Variants in GLIS3 observed in about 807,000 individuals in gnomAD.
GLIS3 encodes GLIS family zinc finger 3.
GLIS3 carries 53 observed loss-of-function variants against 78.6 expected under a neutral mutation model. The ratio of observed to expected loss-of-function variants is 0.67; its 90% confidence interval spans 0.54 to 0.85. GLIS3 has a LOEUF of 0.85. GLIS3 is among the 40% of genes least tolerant of loss of function. The probability of loss-of-function intolerance (pLI) is 0.00; values close to 1 mark genes in which losing one functional copy is unlikely to be tolerated. For missense variants in GLIS3, 1,703 were observed against 1,231.1 expected (o/e 1.38, Z -5.74); for synonymous variants, 684 against 509.9 (o/e 1.34, Z -4.60).
At chr9:4,043,216 G>C (rs544198401) in intron 4 of GLIS3, among the ~76,000 whole-genome samples, 1 of 152,182 alleles carries the variant, frequency 6.6e-6, no homozygotes, top group Admixed American at 6.5e-5. Context: ...ATCACTTTCA[G>C]TGAGACTTTA....
intron 1 of GLIS3, among the ~76,000 whole-genome samples, chr9:4,292,355 G>T (rs1380826115): frequency 6.6e-6 from 1 of 152,090 alleles, no homozygotes; most frequent in East Asian, 1.9e-4. Flanking sequence ...CTGCCCATTT[G>T]TATGCATATA....
chr9:4,346,361 G>C (rs1159102362), intron 2 of GLIS3, among the ~76,000 whole-genome samples: 1 of 150,244 alleles, frequency 6.7e-6, no homozygotes, highest in South Asian at 2.2e-4. Context: ...AGTCAAAGCA[G>C]AGCGATGACT....
rs79497162 is a variant in GLIS3, at chr9:4,227,545, T to C, written c.388+58493A>G. On this transcript the variant is annotated intron_variant, in intron 2 of 10. Coordinates refer to ENST00000381971, the MANE Select transcript of GLIS3 (RefSeq NM_001042413.2). ...TTCTCTGTGTGCTGTAGTAATTCCA[T>C]GTGAGTATCTCCTATTGACTGCAAG... Among the ~76,000 whole-genome samples, 1,023 of 152,276 alleles carry C rather than the reference T, an allele frequency of 6.7e-3. 9 individuals carry two copies. Among genetic ancestry groups the C allele is most frequent in the Middle Eastern group, 0.017 (5 of 294 alleles).
chr9:4,398,500 G>C, the GLIS3 span, among the ~76,000 whole-genome samples: 21 of 151,866 alleles, frequency 1.4e-4, no homozygotes, highest in African/African-American at 2.4e-4. Flanking sequence ...ATTGCATTGA[G>C]GGGGTGGGGG....
At chr9:4,108,380 G>A (rs1456815059) in intron 4 of GLIS3, among the ~76,000 whole-genome samples, 1 of 152,130 alleles carries the variant, frequency 6.6e-6, no homozygotes, top group Non-Finnish European at 1.5e-5. Flanking sequence ...AAGGAGCAAG[G>A]CATGGGGCCT....
chr9:4,241,656 C>G (rs1186907483), intron 2 of GLIS3, among the ~76,000 whole-genome samples: 1 of 151,840 alleles, frequency 6.6e-6, no homozygotes, highest in Non-Finnish European at 1.5e-5. Context: ...ATACTCACAG[C>G]ACACTTGTGC....
Position 3,982,531 on chromosome 9 carries a change from GCTT to G in GLIS3, c.1711-45345_1711-45343del, listed in dbSNP as rs1819385732. On this transcript the variant is annotated intron_variant, in intron 4 of 10. Transcript: ENST00000381971. Reference sequence around the variant, plus strand: ...ACCCATGACGGAAAACACAGGGGAAGCTTCTTCTTTTTCTTGTTGACAAAAGCT... The same window carrying G: ...ACCCATGACGGAAAACACAGGGGAAGCTTCTTTTTCTTGTTGACAAAAGCT... Among the ~76,000 whole-genome samples the G allele has an allele frequency of 4.6e-5, 7 of 152,276 alleles. No homozygotes were observed. The South Asian group carries it at 1.2e-3, about 27-fold the overall frequency.
At chr9:4,146,393 T>C (rs1834229584) in intron 2 of GLIS3, among the ~76,000 whole-genome samples, 1 of 152,206 alleles carries the variant, frequency 6.6e-6, no homozygotes, top group Non-Finnish European at 1.5e-5. Context: ...GTATTAATAA[T>C]TAACAAGGGT....
intron 2 of GLIS3, among the ~76,000 whole-genome samples, chr9:4,340,409 CAACTCAATTCCAGGATG>C (rs936368700): frequency 6.6e-6 from 1 of 151,052 alleles, no homozygotes; most frequent in Non-Finnish European, 1.5e-5. Context: ...AATTAAAAGG[CAACTCAATTCCAGGATG>C]AAACATTCTT....
intron 9 of GLIS3, among the ~76,000 whole-genome samples, chr9:3,833,864 T>A (rs959758365): frequency 3.3e-5 from 5 of 152,164 alleles, no homozygotes; most frequent in African/African-American, 9.7e-5. Context: ...TTCCCAAAGG[T>A]CAAGGAGAAT....
chr9:4,189,236 G>C (rs1238726137), intron 2 of GLIS3, among the ~76,000 whole-genome samples: 1 of 152,022 alleles, frequency 6.6e-6, no homozygotes, highest in Non-Finnish European at 1.5e-5. Flanking sequence ...CTTTATTTCT[G>C]CCTTCATTTC....
chr9:3,844,299 T>C (rs774124924), intron 9 of GLIS3, among the ~76,000 whole-genome samples: 54 of 152,208 alleles, frequency 3.5e-4, no homozygotes, highest in Admixed American at 5.2e-4. Flanking sequence ...TTGTTTACCA[T>C]ATTTATAAGG....
chr9:4,256,051 A>AC (rs1458137550), intron 2 of GLIS3, among the ~76,000 whole-genome samples: 2 of 152,128 alleles, frequency 1.3e-5, no homozygotes, highest in Non-Finnish European at 2.9e-5. Flanking sequence ...TTTTTTAAAA[A>AC]AGGATAACAA....
At chr9:4,234,372 T>C (rs973327768) in intron 2 of GLIS3, among the ~76,000 whole-genome samples, 1 of 152,164 alleles carries the variant, frequency 6.6e-6, no homozygotes, top group African/African-American at 2.4e-5. Flanking sequence ...TTAATTTCAA[T>C]ACTGCTGTGT....
At chr9:4,223,738 G>C (rs569815870) in intron 2 of GLIS3, among the ~76,000 whole-genome samples, 5 of 152,166 alleles carry the variant, frequency 3.3e-5, no homozygotes, top group African/African-American at 7.2e-5. Flanking sequence ...TCAAAATTAA[G>C]GTTTTGGATT....
the GLIS3 span, among the ~76,000 whole-genome samples, chr9:4,414,188 A>C: frequency 6.6e-6 from 1 of 152,228 alleles, no homozygotes; most frequent in African/African-American, 2.4e-5. Context: ...TAAATACTCA[A>C]AATGGCAAGC....
intron 6 of GLIS3, among the ~76,000 whole-genome samples, chr9:3,900,299 CTT>C (rs1823195668): frequency 6.6e-6 from 1 of 150,618 alleles, no homozygotes; most frequent in African/African-American, 2.4e-5. Flanking sequence ...TTATCAAAAA[CTT>C]AAAAAAAAAC....
At chr9:4,140,100 G>C (rs965023918) in intron 2 of GLIS3, among the ~76,000 whole-genome samples, 2 of 152,178 alleles carry the variant, frequency 1.3e-5, no homozygotes, top group African/African-American at 2.4e-5. Flanking sequence ...AGACCAGGTA[G>C]ATCGCTTGAG....
At chr9:4,038,556 C>T (rs889833821) in intron 4 of GLIS3, among the ~76,000 whole-genome samples, 1 of 152,106 alleles carries the variant, frequency 6.6e-6, no homozygotes, top group Admixed American at 6.5e-5. Context: ...CCACTTTATC[C>T]TGATTAAAAG....
Sources: gnomAD v4.1 joint callset for allele counts (sites outside exome capture counted in the v4.1 genomes callset) on GRCh38, gnomAD v4.1.1 for gene constraint, MANE v1.5 for transcripts, NCBI Gene and HGNC (gene_info 2026-07-23, HGNC 2026-07-21) for gene names.